Variants in STXBP5L observed in about 807,000 individuals in gnomAD.
STXBP5L encodes the protein syntaxin binding protein 5L, also known as syntaxin-binding protein 5-like.
A neutral mutation model predicts 144.5 loss-of-function variants in STXBP5L; 65 were observed. The observed-to-expected ratio is 0.45, with a 90% CI of 0.37 to 0.55. The LOEUF (loss-of-function observed/expected upper bound fraction) is 0.55, where lower values mean the gene tolerates loss of function less well. Among genes scored for constraint, STXBP5L ranks in the 20% least tolerant of loss-of-function variants. The pLI, the probability that STXBP5L is intolerant of heterozygous loss-of-function variation, is 0.00. For synonymous variants in STXBP5L, 505 were observed against 469.6 expected, an observed-to-expected ratio of 1.08 and a Z score of -0.97; for missense variants, 1,298 against 1,405.5, an observed-to-expected ratio of 0.92 and a Z score of 1.22.
chr3:121,128,546 G>A (rs2044822730), intron 7 of STXBP5L, among the ~76,000 whole-genome samples: 1 of 152,020 alleles, frequency 6.6e-6, no homozygotes, highest in Admixed American at 6.6e-5. Flanking sequence ...GTTGACAGTA[G>A]GAGTTGATGC....
At chr3:121,201,011 G>A (rs1386734186) in intron 9 of STXBP5L, among the ~76,000 whole-genome samples, 1 of 152,192 alleles carries the variant, frequency 6.6e-6, no homozygotes, top group Non-Finnish European at 1.5e-5. Context: ...TCTTGGTCCA[G>A]GGCCAAGTTC....
intron 5 of STXBP5L, among the ~76,000 whole-genome samples, chr3:121,107,458 T>C (rs190543859): frequency 2.0e-5 from 3 of 152,322 alleles, no homozygotes; most frequent in Admixed American, 1.3e-4. Flanking sequence ...CCCAGTGCCA[T>C]ATATTAAATA....
chr3:121,224,679 AAG>A (rs1267241836), intron 11 of STXBP5L, among the ~76,000 whole-genome samples: 1 of 152,178 alleles, frequency 6.6e-6, no homozygotes, highest in African/African-American at 2.4e-5. Context: ...AGTTTTTGGA[AAG>A]AGAGAAAGGT....
chr3:121,133,718 T>C (rs1358912397), intron 7 of STXBP5L, among the ~76,000 whole-genome samples: 1 of 152,198 alleles, frequency 6.6e-6, no homozygotes, highest in Non-Finnish European at 1.5e-5. Context: ...TATCTGAGAC[T>C]GGGTAATTTA....
intron 3 of STXBP5L, among the ~76,000 whole-genome samples, chr3:120,970,178 A>C (rs1353773063): frequency 6.6e-6 from 1 of 152,118 alleles, no homozygotes; most frequent in Admixed American, 6.6e-5. Flanking sequence ...TGATTTTAAT[A>C]GGTTTTTGTC....
At chr3:120,972,908 C>G (rs919036579) in intron 3 of STXBP5L, among the ~76,000 whole-genome samples, 1 of 152,056 alleles carries the variant, frequency 6.6e-6, no homozygotes, top group Admixed American at 6.6e-5. Flanking sequence ...CCTTGCAATT[C>G]TGGAATAAAA....
intron 5 of STXBP5L, among the ~76,000 whole-genome samples, chr3:121,078,167 C>G (rs568505776): frequency 6.6e-6 from 1 of 152,024 alleles, no homozygotes; most frequent in Non-Finnish European, 1.5e-5. Context: ...TTCACAAACC[C>G]TGAACTAGAC....
At chr3:121,206,702 T>C (rs901106692) in intron 10 of STXBP5L, among the ~76,000 whole-genome samples, 15 of 152,008 alleles carry the variant, frequency 9.9e-5, no homozygotes. Flanking sequence ...TAATCCCAGC[T>C]ACTTGGGAGG....
intron 3 of STXBP5L, among the ~76,000 whole-genome samples, chr3:120,958,376 G>A (rs995910981): frequency 1.3e-5 from 2 of 152,084 alleles, no homozygotes; most frequent in African/African-American, 4.8e-5. Context: ...CCAATCAATA[G>A]AAAAAGAGGG....
At chr3:121,130,664 G>C (rs138522753) in intron 7 of STXBP5L, among the ~76,000 whole-genome samples, 1 of 152,098 alleles carries the variant, frequency 6.6e-6, no homozygotes, top group East Asian at 1.9e-4. Context: ...AATGACCCTG[G>C]TAAAGAAAAT....
intron 3 of STXBP5L, among the ~76,000 whole-genome samples, chr3:120,963,244 T>C (rs993165178): frequency 1.3e-5 from 2 of 152,236 alleles, no homozygotes; most frequent in Non-Finnish European, 2.9e-5. Context: ...GACTTCCTCT[T>C]TTCCCAATTG....
chr3:121,083,169 A>C (rs2042328710), intron 5 of STXBP5L, among the ~76,000 whole-genome samples: 1 of 152,136 alleles, frequency 6.6e-6, no homozygotes, highest in African/African-American at 2.4e-5. Context: ...ACTGCACTCC[A>C]GCCTGGCAAC....
intron 2 of STXBP5L, among the ~76,000 whole-genome samples, chr3:120,953,855 G>A (rs1028669564): frequency 6.6e-6 from 1 of 152,092 alleles, no homozygotes; most frequent in African/African-American, 2.4e-5. Context: ...ATATTGAATA[G>A]AGGTGGATAG....
chr3:121,122,461 T>A (rs1450326146), intron 7 of STXBP5L, among the ~76,000 whole-genome samples: 1 of 151,222 alleles, frequency 6.6e-6, no homozygotes, highest in Admixed American at 6.6e-5. Flanking sequence ...GAAAAGAAAA[T>A]GTATACGAAT....
chr3:121,343,815 C>T (rs554233982), intron 20 of STXBP5L, among the ~76,000 whole-genome samples: 8 of 152,158 alleles, frequency 5.3e-5, no homozygotes, highest in South Asian at 4.1e-4. Flanking sequence ...TGAAAATGGC[C>T]GTACTGCCCA....
intron 3 of STXBP5L, among the ~76,000 whole-genome samples, chr3:121,017,305 A>G (rs1945211530): frequency 1.3e-5 from 2 of 152,230 alleles, no homozygotes; most frequent in South Asian, 2.1e-4. Flanking sequence ...TTGATAAAGA[A>G]CATCTACCAA....
chr3:121,209,210 T>A (rs1416034995), intron 10 of STXBP5L, among the ~76,000 whole-genome samples: 2 of 152,138 alleles, frequency 1.3e-5, no homozygotes, highest in Admixed American at 6.6e-5. Context: ...TTTGCTATAG[T>A]GAATAGTGCT....
chr3:121,092,466 C>G (rs957505044), intron 5 of STXBP5L, among the ~76,000 whole-genome samples: 5 of 152,264 alleles, frequency 3.3e-5, no homozygotes, highest in African/African-American at 7.2e-5. Flanking sequence ...GTTTGTAGTT[C>G]TCCTTGAAGA....
chr3:121,087,300 C>A (rs993043124), intron 5 of STXBP5L, among the ~76,000 whole-genome samples: 11 of 152,034 alleles, frequency 7.2e-5, no homozygotes, highest in African/African-American at 2.7e-4. Context: ...CTACAAGAAT[C>A]ATGGATTTCT....
Sources: allele counts gnomAD v4.1 joint callset (sites outside exome capture counted in the v4.1 genomes callset), GRCh38; gene constraint gnomAD v4.1.1; transcripts MANE v1.5; gene names NCBI Gene and HGNC (gene_info 2026-07-23, HGNC 2026-07-21).